Variants in PACRG observed in about 807,000 individuals in gnomAD.
PACRG encodes the protein parkin coregulated gene protein.
PACRG carries 29 observed loss-of-function variants against 29.7 expected under a neutral mutation model. The observed-to-expected ratio is 0.98, with a 90% CI of 0.73 to 1.33. The LOEUF (loss-of-function observed/expected upper bound fraction) is 1.33. Among genes scored for constraint, PACRG ranks in the 40% most tolerant of loss-of-function variants. PACRG has a pLI of 0.00. For missense variants in PACRG, 279 were observed against 316.2 expected, an observed-to-expected ratio of 0.88 and a Z score of 0.89; for synonymous variants, 116 against 118.7, an observed-to-expected ratio of 0.98 and a Z score of 0.15.
chr6:162,727,727 A>G, upstream of PACRG: 2 of 1,535,246 alleles, frequency 1.3e-6, no homozygotes, highest in Non-Finnish European at 1.8e-6. Flanking sequence ...CAGCGGCGCC[A>G]GCCGCGCCTC....
chr6:162,747,341 TA>T, intron 1 of PACRG, among the ~76,000 whole-genome samples: 3 of 68,644 alleles, frequency 4.4e-5, no homozygotes, highest in African/African-American at 3.0e-4. Context: ...TATATATATA[TA>T]TATATATATA....
rs1477852456 is a variant in PACRG, at chr6:162,787,580, GTGTATATATATATATA to G, written c.157-26565_157-26550del. Reference sequence around the variant, plus strand: ...TTATTGTGTGTGTGTGTGTGTGTGTGTGTATATATATATATATATATATATATATATATATATATAT... The same window carrying G: ...TTATTGTGTGTGTGTGTGTGTGTGTGTATATATATATATATATATATATAT... On this transcript the variant is annotated intron_variant, in intron 1 of 4. Coordinates refer to ENST00000366888, the MANE Select transcript of PACRG (RefSeq NM_001080379.2). Among the ~76,000 whole-genome samples the G allele has an allele frequency of 2.8e-3, 195 of 69,172 alleles. 1 individual carries two copies. Among genetic ancestry groups the G allele is most frequent in the African/African-American group, 0.011 (187 of 16,950 alleles). The allele number at this position is 69,172 out of a possible 152,430, so 45.4% of individuals were successfully genotyped here.
intron 2 of PACRG, among the ~76,000 whole-genome samples, chr6:162,839,777 A>C (rs937138294): frequency 1.3e-5 from 2 of 151,996 alleles, no homozygotes; most frequent in Admixed American, 1.3e-4. Flanking sequence ...TGTATAAGGT[A>C]TAAGGAAGGG....
intron 2 of PACRG, among the ~76,000 whole-genome samples, chr6:162,929,496 A>C (rs1000402841): frequency 4.6e-5 from 7 of 152,048 alleles, no homozygotes; most frequent in Admixed American, 3.3e-4. Context: ...TCAGATAGAT[A>C]GTTTGTGAAT....
intron 1 of PACRG, among the ~76,000 whole-genome samples, chr6:162,780,801 G>A (rs1784037511): frequency 6.6e-6 from 1 of 151,986 alleles, no homozygotes; most frequent in East Asian, 1.9e-4. Context: ...AGATATTGCA[G>A]AAGAAAAGAT....
intron 2 of PACRG, among the ~76,000 whole-genome samples, chr6:163,036,305 T>C (rs992083691): frequency 4.6e-5 from 7 of 152,194 alleles, no homozygotes; most frequent in African/African-American, 1.7e-4. Flanking sequence ...TTCCAGGCCT[T>C]ATAAAGAGCC....
chr6:163,287,266 C>G (rs1263445094), intron 4 of PACRG, among the ~76,000 whole-genome samples: 1 of 152,178 alleles, frequency 6.6e-6, no homozygotes. Flanking sequence ...GTCAAAAAGA[C>G]AGCAAGCTCT....
intron 2 of PACRG, among the ~76,000 whole-genome samples, chr6:162,904,028 C>T (rs1795758705): frequency 6.6e-6 from 1 of 152,150 alleles, no homozygotes; most frequent in South Asian, 2.1e-4. Flanking sequence ...ACTCTTGAGT[C>T]CGAAATCCGC....
intron 4 of PACRG, among the ~76,000 whole-genome samples, chr6:163,214,867 A>C (rs2128156543): frequency 6.6e-6 from 1 of 152,256 alleles, no homozygotes; most frequent in South Asian, 2.1e-4. Flanking sequence ...TTTAATAGGT[A>C]TGTTTTAGCA....
intron 2 of PACRG, among the ~76,000 whole-genome samples, chr6:163,026,215 G>T (rs57645272): frequency 1.3e-5 from 2 of 152,092 alleles, no homozygotes; most frequent in African/African-American, 2.4e-5. Context: ...TGAAAGCCTT[G>T]TGTAAGAATT....
At chr6:163,305,845 C>G (rs1785180659) in intron 4 of PACRG, among the ~76,000 whole-genome samples, 1 of 152,154 alleles carries the variant, frequency 6.6e-6, no homozygotes, top group African/African-American at 2.4e-5. Context: ...GCTACAGTAT[C>G]TCCCCATCAC....
intron 4 of PACRG, among the ~76,000 whole-genome samples, chr6:163,096,158 CTCT>C (rs199747808): frequency 2.3e-3 from 349 of 152,302 alleles, no homozygotes; most frequent in African/African-American, 7.4e-3. Flanking sequence ...ATTGATGTTT[CTCT>C]TCTTCTTCGG....
chr6:163,016,455 C>G (rs1280960125), intron 2 of PACRG, among the ~76,000 whole-genome samples: 1 of 150,668 alleles, frequency 6.6e-6, no homozygotes, highest in Admixed American at 6.6e-5. Context: ...TTTTATTCCT[C>G]AAATCTGCCA....
chr6:162,827,278 A>C (rs139046067), intron 2 of PACRG, among the ~76,000 whole-genome samples: 1 of 152,182 alleles, frequency 6.6e-6, no homozygotes, highest in African/African-American at 2.4e-5. Flanking sequence ...TAATTTCAAC[A>C]CTGCATTATT....
intron 4 of PACRG, chr6:163,166,274 C>G: frequency 2.4e-6 from 1 of 421,276 alleles, no homozygotes; most frequent in Non-Finnish European, 4.9e-6. Context: ...TGCTCAACAA[C>G]AACAACAAAA....
At chr6:163,218,754 C>G (rs1177282419) in intron 4 of PACRG, among the ~76,000 whole-genome samples, 1 of 152,232 alleles carries the variant, frequency 6.6e-6, no homozygotes, top group African/African-American at 2.4e-5. Flanking sequence ...CCTCCTCCCT[C>G]TGCCGCAGGG....
chr6:162,841,831 T>G (rs1403398186), intron 2 of PACRG, among the ~76,000 whole-genome samples: 1 of 152,116 alleles, frequency 6.6e-6, no homozygotes, highest in African/African-American at 2.4e-5. Flanking sequence ...ACATCTTTAT[T>G]TCTGCCTTCA....
intron 4 of PACRG, among the ~76,000 whole-genome samples, chr6:163,234,839 AAG>A (rs1782172892): frequency 6.6e-6 from 1 of 152,238 alleles, no homozygotes; most frequent in Non-Finnish European, 1.5e-5. Context: ...GGTAAAACAG[AAG>A]CCAGATTATA....
chr6:163,170,221 A>G (rs1779007513), intron 4 of PACRG, among the ~76,000 whole-genome samples: 1 of 152,038 alleles, frequency 6.6e-6, no homozygotes, highest in Non-Finnish European at 1.5e-5. Context: ...GAGGAAGAGG[A>G]GGCTGTGGCT....
Sources: gnomAD v4.1 joint callset for allele counts (sites outside exome capture counted in the v4.1 genomes callset) on GRCh38, gnomAD v4.1.1 for gene constraint, MANE v1.5 for transcripts, NCBI Gene and HGNC (gene_info 2026-07-23, HGNC 2026-07-21) for gene names.